Variants in LPP observed in about 807,000 individuals in gnomAD.
LPP encodes LIM domain containing preferred translocation partner in lipoma, also known as lipoma-preferred partner.
LPP carries 38 observed loss-of-function variants against 60.4 expected under a neutral mutation model. That is an observed-to-expected ratio of 0.63 (90% CI 0.49 to 0.83). The LOEUF (loss-of-function observed/expected upper bound fraction) is 0.83. Among genes scored for constraint, LPP ranks in the 40% least tolerant of loss-of-function variants. The pLI, the probability that LPP is intolerant of heterozygous loss-of-function variation, is 0.00. For synonymous variants in LPP, 328 were observed against 290.8 expected, an observed-to-expected ratio of 1.13 and a Z score of -1.30; for missense variants, 902 against 783.6, an observed-to-expected ratio of 1.15 and a Z score of -1.80.
intron 8 of LPP, among the ~76,000 whole-genome samples, chr3:188,714,736 C>T (rs1713088945): frequency 6.6e-6 from 1 of 152,016 alleles, no homozygotes; most frequent in Non-Finnish European, 1.5e-5. Context: ...TTGGATGAGT[C>T]TATATCTCTA....
chr3:188,248,800 G>C (rs531658781), intron 2 of LPP, among the ~76,000 whole-genome samples: 2 of 151,914 alleles, frequency 1.3e-5, no homozygotes, highest in Non-Finnish European at 2.9e-5. Context: ...GCACCAGTTC[G>C]TTTGGTAATT....
At chr3:188,430,024 C>T (rs1253832744) in intron 4 of LPP, among the ~76,000 whole-genome samples, 2 of 152,140 alleles carry the variant, frequency 1.3e-5, no homozygotes, top group African/African-American at 4.8e-5. Flanking sequence ...AAGAACACAG[C>T]ATCTCTGAGA....
At chr3:188,598,501 T>C (rs772319138) in intron 6 of LPP, among the ~76,000 whole-genome samples, 15 of 152,002 alleles carry the variant, frequency 9.9e-5, no homozygotes, top group Non-Finnish European at 1.8e-4. Context: ...CTTTACTGCA[T>C]CAAGAGGAGA....
At chr3:188,334,937 G>A (rs1009870088) in intron 2 of LPP, among the ~76,000 whole-genome samples, 1 of 152,102 alleles carries the variant, frequency 6.6e-6, no homozygotes, top group Admixed American at 6.5e-5. Flanking sequence ...TGGATGTCCA[G>A]TTTTCCCAGC....
chr3:188,170,329 C>CTTTTTTTTTTTTTT (rs34760455), intron 1 of LPP, among the ~76,000 whole-genome samples: 3 of 96,432 alleles, frequency 3.1e-5, no homozygotes, highest in Non-Finnish European at 6.1e-5. Context: ...CTTTTCTTTT[C>CTTTTTTTTTTTTTT]TTTTTTTTTT....
chr3:188,596,558 C>T (rs1840018393), intron 6 of LPP, among the ~76,000 whole-genome samples: 1 of 151,946 alleles, frequency 6.6e-6, no homozygotes, highest in Admixed American at 6.6e-5. Context: ...AACTGATACA[C>T]ATTCAAATCA....
intron 9 of LPP, among the ~76,000 whole-genome samples, chr3:188,821,704 T>C (rs923825412): frequency 1.3e-5 from 2 of 152,148 alleles, no homozygotes; most frequent in Non-Finnish European, 2.9e-5. Flanking sequence ...ACAATATGTG[T>C]ATTTGTTTTA....
At chr3:188,835,137 A>G (rs1758082969) in intron 9 of LPP, among the ~76,000 whole-genome samples, 1 of 152,112 alleles carries the variant, frequency 6.6e-6, no homozygotes, top group Non-Finnish European at 1.5e-5. Context: ...AGATAAAATA[A>G]TTATTCACAG....
chr3:188,751,674 A>AT (rs1244703252), intron 8 of LPP, among the ~76,000 whole-genome samples: 3 of 152,192 alleles, frequency 2.0e-5, no homozygotes, highest in African/African-American at 7.2e-5. Flanking sequence ...CAGCTTCAAT[A>AT]TTTAACTCTG....
intron 9 of LPP, among the ~76,000 whole-genome samples, chr3:188,861,153 G>A (rs1036798819): frequency 6.6e-6 from 1 of 152,144 alleles, no homozygotes; most frequent in African/African-American, 2.4e-5. Flanking sequence ...TTGTTTCCCT[G>A]AAGAAAGGAT....
chr3:188,724,772 G>A (rs759718241), intron 8 of LPP, among the ~76,000 whole-genome samples: 4 of 152,130 alleles, frequency 2.6e-5, no homozygotes, highest in Non-Finnish European at 4.4e-5. Flanking sequence ...TTTCACACAC[G>A]TAAATAGTTT....
intron 7 of LPP, among the ~76,000 whole-genome samples, chr3:188,673,166 C>T (rs2149277024): frequency 6.6e-6 from 1 of 152,138 alleles, no homozygotes; most frequent in Non-Finnish European, 1.5e-5. Context: ...TAAAAGAAAG[C>T]TTATTTCCAG....
At chr3:188,855,361 C>T (rs759911629) in intron 9 of LPP, among the ~76,000 whole-genome samples, 3 of 152,194 alleles carry the variant, frequency 2.0e-5, no homozygotes, top group Admixed American at 6.5e-5. Flanking sequence ...CTTGAACAAA[C>T]TAGTGTAAGA....
At chr3:188,571,369 C>T (rs1262955929) in intron 6 of LPP, among the ~76,000 whole-genome samples, 2 of 151,764 alleles carry the variant, frequency 1.3e-5, no homozygotes, top group Non-Finnish European at 2.9e-5. Flanking sequence ...ACTTACATCC[C>T]AATATTTTCA....
At chr3:188,236,608 A>G (rs916166278) in intron 2 of LPP, among the ~76,000 whole-genome samples, 44 of 152,218 alleles carry the variant, frequency 2.9e-4, no homozygotes, top group African/African-American at 1.1e-3. Flanking sequence ...ATTGCAGTGA[A>G]GCGAGTCACA....
Position 188,265,598 on chromosome 3 carries a change from T to C in LPP, c.-67+40071T>C, listed in dbSNP as rs1735209386. On this transcript the variant is annotated intron_variant, in intron 2 of 11. Transcript: ENST00000617246. ...TTGGGGAGGGCTTTGCTGTGGGGATTGGGGGAAGGATATTGTTTTAGGCTT... is the reference window on the plus strand; with the variant it reads ...TTGGGGAGGGCTTTGCTGTGGGGATCGGGGGAAGGATATTGTTTTAGGCTT... Among the ~76,000 whole-genome samples the C allele has an allele frequency of 2.0e-5, 3 of 152,022 alleles. No individual in the cohort carries two copies. In the South Asian group the frequency reaches 6.2e-4, roughly 32 times the overall value.
intron 2 of LPP, among the ~76,000 whole-genome samples, chr3:188,279,241 C>T (rs1299394808): frequency 1.3e-5 from 2 of 152,222 alleles, no homozygotes; most frequent in African/African-American, 4.8e-5. Context: ...GAGCTGGATT[C>T]CAGTCCTGAC....
At chr3:188,379,244 C>T (rs1041920682) in intron 3 of LPP, among the ~76,000 whole-genome samples, 13 of 152,080 alleles carry the variant, frequency 8.5e-5, no homozygotes, top group East Asian at 1.9e-4. Flanking sequence ...ATTATATTGC[C>T]AGCCACAATG....
intron 1 of LPP, among the ~76,000 whole-genome samples, chr3:188,171,109 G>A (rs932355913): frequency 6.6e-6 from 1 of 152,152 alleles, no homozygotes; most frequent in African/African-American, 2.4e-5. Context: ...GTTTATCTGT[G>A]TATGAAACGT....
Sources: allele counts gnomAD v4.1 joint callset (sites outside exome capture counted in the v4.1 genomes callset), GRCh38; gene constraint gnomAD v4.1.1; transcripts MANE v1.5; gene names NCBI Gene and HGNC (gene_info 2026-07-23, HGNC 2026-07-21).